The following KMT2C variants were observed in gnomAD, a reference collection of about 807,000 sequenced individuals.
KMT2C encodes the protein lysine methyltransferase 2C, also known as histone-lysine N-methyltransferase 2C.
In KMT2C, 88 loss-of-function variants were observed where a neutral mutation model predicts 507.9. The ratio of observed to expected loss-of-function variants is 0.17; its 90% CI spans 0.15 to 0.21. The LOEUF (loss-of-function observed/expected upper bound fraction) is 0.21, where lower values mean the gene tolerates loss of function less well. Ranked by LOEUF, KMT2C falls within the 10% of genes least tolerant of loss-of-function variation. KMT2C has a pLI of 1.00. For missense variants in KMT2C, 4,954 were observed against 5,957.8 expected (o/e 0.83, Z 5.55); for synonymous variants, 2,049 against 2,080.8 (o/e 0.98, Z 0.42).
chr7:152,151,393 A>T (rs375503331), intron 50 of KMT2C, 49 bp downstream of exon 50: 1 of 1,599,838 alleles, frequency 6.3e-7, no homozygotes, highest in African/African-American at 1.3e-5. Context: ...TGCCAAGGAC[A>T]TTTTCGCTGG....
chr7:152,187,421 A>T lies in KMT2C; in HGVS notation c.4849T>A (p.Ser1617Thr). Residue 1617 changes from serine to threonine, a missense_variant, in exon 33 of 59, where the codon TCA becomes ACA. By Grantham distance (58) the Ser-to-Thr change is moderately conservative (BLOSUM62 1). Coordinates refer to ENST00000262189, the MANE Select transcript of KMT2C (RefSeq NM_170606.3). ...MASDPNNSWT[S>T]SAPTVEGEND... ...TCTCCTTCCACAGTGGGAGCTGATG[A>T]TGTCCAAGAGTTGTTAGGATCACTT... is the stretch of plus-strand genomic sequence containing the variant. The T allele has an allele frequency of 6.2e-7, 1 of 1,614,112 alleles. No individual in the cohort carries two copies. Among genetic ancestry groups the T allele is most frequent in the Non-Finnish European group, 8.5e-7 (1 of 1,179,998 alleles).
At chr7:152,208,507 C>T (rs2094366267) in intron 23 of KMT2C, among the ~76,000 whole-genome samples, 1 of 152,166 alleles carries the variant, frequency 6.6e-6, no homozygotes, top group African/African-American at 2.4e-5. Flanking sequence ...CACAGATTTT[C>T]TTAGTAACAG....
intron 16 of KMT2C, among the ~76,000 whole-genome samples, chr7:152,231,777 T>C (rs1003501528): frequency 2.0e-5 from 3 of 150,528 alleles, no homozygotes; most frequent in African/African-American, 7.3e-5. Context: ...CGAGACCCTG[T>C]CTCAAAAAAA....
At chr7:152,412,949 A>G (rs1310594498) in intron 1 of KMT2C, among the ~76,000 whole-genome samples, 1 of 152,166 alleles carries the variant, frequency 6.6e-6, no homozygotes, top group Non-Finnish European at 1.5e-5. Flanking sequence ...AAAATTCAGA[A>G]TAATTAAAAG....
chr7:152,290,258 G>GTGTGTATATA (rs1337492088), intron 6 of KMT2C, among the ~76,000 whole-genome samples: 2 of 26,240 alleles, frequency 7.6e-5, no homozygotes, highest in African/African-American at 2.8e-4. Context: ...GTGTGTATGT[G>GTGTGTATATA]TATATATATA....
intron 26 of KMT2C, among the ~76,000 whole-genome samples, chr7:152,202,575 T>C (rs932787991): frequency 3.3e-5 from 5 of 152,340 alleles, no homozygotes; most frequent in Non-Finnish European, 4.4e-5. Context: ...ATATAATTAA[T>C]GTAACTTGTA....
chr7:152,432,616 T>A (rs1048717979), intron 1 of KMT2C, among the ~76,000 whole-genome samples: 1 of 152,224 alleles, frequency 6.6e-6, no homozygotes, highest in African/African-American at 2.4e-5. Flanking sequence ...TCAGTTCAAG[T>A]TTCTTGATTT....
chr7:152,181,270 T>C lies in KMT2C; in HGVS notation c.6590A>G (p.Gln2197Arg), dbSNP rs753414619. The change falls in exon 36 of 59, where the codon CAG becomes CGG. Residue 2197 changes from glutamine (Q) to arginine (R), a missense_variant. Physicochemically the swap from Gln to Arg is conservative, Grantham distance 43. This residue lies in a region of KMT2C where 1,689 missense variants were observed against 1,654.3 expected (regional missense o/e 1.02). Transcript: ENST00000262189. ...TDLFVTPVTN[Q>R]RHSDPYAHPP... ...ATGAGCATATGGATCAGAATGCCTC[T>C]GATTTGTTACAGGTGTAACAAACAA... is the stretch of plus-strand genomic sequence containing the variant. The C allele has an allele frequency of 1.9e-6, 3 of 1,614,108 alleles. No individual in the cohort carries two copies. The highest frequency in any genetic ancestry group is 2.5e-6 in the Non-Finnish European group (3 of 1,180,012).
Position 152,222,023 on chromosome 7 carries a change from A to G in KMT2C, c.3477T>C (p.Ile1159=). ...DCCESSLVAQ[I]VTKVKELDPP... ...TACCTAGCTCTTTTACTTTTGTGAC[A>G]ATTTGTGCTACAAGTGAAGATTCAC... The change falls in exon 22 of 59, where the codon ATT becomes ATC. Residue 1159 remains isoleucine (I), a synonymous_variant. Coordinates refer to ENST00000262189, the MANE Select transcript of KMT2C (RefSeq NM_170606.3). The G allele has an allele frequency of 6.2e-7, 1 of 1,605,762 alleles. No individual in the cohort carries two copies. The highest frequency in any genetic ancestry group is 8.5e-7 in the Non-Finnish European group (1 of 1,176,820).
At chr7:152,244,580 A>G (rs1264966689) in intron 14 of KMT2C, among the ~76,000 whole-genome samples, 1 of 152,234 alleles carries the variant, frequency 6.6e-6, no homozygotes, top group Non-Finnish European at 1.5e-5. Flanking sequence ...TTATGAATAG[A>G]TAACTTCAAT....
chr7:152,295,156 T>C (rs967545644), intron 6 of KMT2C, among the ~76,000 whole-genome samples: 17 of 152,342 alleles, frequency 1.1e-4, no homozygotes, highest in African/African-American at 4.1e-4. Flanking sequence ...GTTTTACACA[T>C]AATACCTAAA....
chr7:152,275,315 C>A lies in KMT2C; in HGVS notation c.850-1448G>T, dbSNP rs918619823. 3.3e-5 allele frequency among the ~76,000 whole-genome samples: 5 copies of A among 152,194 alleles called. No homozygotes were observed. The South Asian group carries it at 1.0e-3, about 32-fold the overall frequency. On this transcript the variant is annotated intron_variant, in intron 6 of 58. Coordinates refer to ENST00000262189, the MANE Select transcript of KMT2C (RefSeq NM_170606.3). ...ATCCCGGCACTTTGGAAGGCCAAGG[C>A]GGGTGGATCACGAGGTCAGGAGATC... is the stretch of plus-strand genomic sequence containing the variant.
intron 1 of KMT2C, among the ~76,000 whole-genome samples, chr7:152,364,835 G>A (rs1249258524): frequency 3.3e-5 from 5 of 150,356 alleles, no homozygotes; most frequent in Non-Finnish European, 7.4e-5. Flanking sequence ...AAAGGGATAG[G>A]GACAAAAAAA....
At chr7:152,204,226 A>G (rs1351693127) in intron 25 of KMT2C, among the ~76,000 whole-genome samples, 1 of 151,960 alleles carries the variant, frequency 6.6e-6, no homozygotes, top group Non-Finnish European at 1.5e-5. Flanking sequence ...TGGACTCGGG[A>G]GGTGAAGGTT....
chr7:152,264,906 G>A, intron 8 of KMT2C, 132 bp downstream of exon 8: 1 of 1,026,348 alleles, frequency 9.7e-7, no homozygotes, highest in Non-Finnish European at 1.3e-6. Context: ...ATTTTTTTAA[G>A]TATGATGAAG....
intron 1 of KMT2C, among the ~76,000 whole-genome samples, chr7:152,420,594 T>C (rs2097771339): frequency 6.6e-6 from 1 of 152,126 alleles, no homozygotes; most frequent in East Asian, 1.9e-4. Context: ...CCCAGAACTT[T>C]GGGAGGCCGA....
At chr7:152,322,253 C>T (rs1188783768) in intron 3 of KMT2C, among the ~76,000 whole-genome samples, 1 of 151,790 alleles carries the variant, frequency 6.6e-6, no homozygotes, top group Non-Finnish European at 1.5e-5. Flanking sequence ...GTCCCAGGTA[C>T]TCAAGAGGCT....
intron 1 of KMT2C, among the ~76,000 whole-genome samples, chr7:152,364,959 A>G (rs1444506815): frequency 1.3e-5 from 2 of 151,984 alleles, no homozygotes; most frequent in African/African-American, 2.4e-5. Flanking sequence ...ACACACACAC[A>G]CACACACACA....
rs1409596988 is a variant in KMT2C at position 152,177,594 on chromosome 7, G to C, written c.7859C>G (p.Pro2620Arg). 1 of 1,614,180 alleles carries C rather than the reference G, an allele frequency of 6.2e-7. No homozygotes were observed. The highest frequency in any genetic ancestry group is 1.1e-5 in the South Asian group (1 of 91,084). ...CACTTGTTCCAAATCTGGGTGCACA[G>C]GTAGCTGATTAGGTAGACCCTGGGG... is the stretch of plus-strand genomic sequence containing the variant. ...RPPQGLPNQL[P>R]VHPDLEQVPP... Residue 2620 changes from proline to arginine, a missense_variant, in exon 38 of 59, where the codon CCT (proline) becomes CGT (arginine). Transcript: ENST00000262189.
Sources: gnomAD v4.1 joint callset for allele counts (sites outside exome capture counted in the v4.1 genomes callset) on GRCh38, gnomAD v4.1.1 for gene constraint, gnomAD v4.1.1 regional missense constraint, MANE v1.5 for transcripts, NCBI Gene and HGNC (gene_info 2026-07-23, HGNC 2026-07-21) for gene names.